The following PTPRD variants were observed in gnomAD, a reference collection of about 807,000 sequenced individuals.
PTPRD encodes the protein protein tyrosine phosphatase receptor type D, also known as receptor-type tyrosine-protein phosphatase delta.
Under a neutral mutation model 214.5 loss-of-function variants are expected in PTPRD, and 34 were observed. The observed-to-expected ratio is 0.16, with a 90% CI of 0.12 to 0.21. The LOEUF is 0.21. PTPRD is among the 10% of genes least tolerant of loss of function. PTPRD has a pLI of 1.00. For synonymous variants in PTPRD, 1,128 were observed against 845.7 expected (o/e 1.33, Z -5.79); for missense variants, 2,545 against 2,398.7 (o/e 1.06, Z -1.27).
intron 5 of PTPRD, among the ~76,000 whole-genome samples, chr9:9,892,752 A>G: frequency 6.6e-6 from 1 of 151,944 alleles, no homozygotes; most frequent in East Asian, 1.9e-4. Context: ...GGTAAAAAAA[A>G]AAAAATTGTG....
intron 37 of PTPRD, among the ~76,000 whole-genome samples, chr9:8,379,159 GATATGTCTAA>G (rs1165938532): frequency 6.6e-6 from 1 of 152,042 alleles, no homozygotes; most frequent in Admixed American, 6.6e-5. Flanking sequence ...TTTTAAAGCG[GATATGTCTAA>G]ATATTACCAT....
intron 10 of PTPRD, among the ~76,000 whole-genome samples, chr9:9,116,996 C>G (rs78918292): frequency 0.034 from 5,236 of 152,080 alleles, 173 homozygotes; most frequent in African/African-American, 0.077. Context: ...GTGTGTGTCA[C>G]AGTTGGGGAG....
chr9:10,268,385 T>C (rs770240670), intron 3 of PTPRD, among the ~76,000 whole-genome samples: 7 of 151,828 alleles, frequency 4.6e-5, no homozygotes, highest in African/African-American at 1.7e-4. Context: ...TTTTAAATGT[T>C]CTAAATTTGT....
At chr9:9,083,783 C>T (rs1165878406) in intron 10 of PTPRD, among the ~76,000 whole-genome samples, 1 of 151,982 alleles carries the variant, frequency 6.6e-6, no homozygotes, top group Non-Finnish European at 1.5e-5. Flanking sequence ...ATTTATGCAG[C>T]CAAAAAACAT....
In PTPRD at chr9:8,341,793, C is replaced by T. The variant is rs928640314; in HGVS notation, c.4847G>A (p.Gly1616Glu). The stretch of plus-strand genomic sequence containing the variant: ...GTTTCTAGCTGGCACTTCGGTATTT[C>T]CACAAGTCACTGCTTCTAACAGTGC... ...HDALLEAVTC[G>E]NTEVPARNLY... The change falls in exon 40 of 46, where the codon GGA becomes GAA. Residue 1616 changes from glycine (G) to glutamate (E), a missense_variant. Physicochemically the swap from Gly to Glu is moderately conservative, Grantham distance 98. Transcript: ENST00000381196. The T allele has an allele frequency of 6.2e-7, 1 of 1,613,572 alleles. No individual in the cohort carries two copies. The highest frequency in any genetic ancestry group is 8.5e-7 in the Non-Finnish European group (1 of 1,179,724).
chr9:9,615,235 A>T (rs183064342), intron 7 of PTPRD, among the ~76,000 whole-genome samples: 115 of 152,284 alleles, frequency 7.6e-4, no homozygotes, highest in Non-Finnish European at 1.3e-3. Context: ...AACACCAAGT[A>T]GTTGCTCCTC....
intron 4 of PTPRD, among the ~76,000 whole-genome samples, chr9:9,984,899 C>T (rs1315974098): frequency 6.6e-6 from 1 of 152,006 alleles, no homozygotes; most frequent in Non-Finnish European, 1.5e-5. Flanking sequence ...CCATGCACAC[C>T]CAAAAACCAA....
At chr9:10,524,691 G>C (rs1284494971) in intron 2 of PTPRD, among the ~76,000 whole-genome samples, 2 of 152,028 alleles carry the variant, frequency 1.3e-5, no homozygotes, top group Admixed American at 6.6e-5. Flanking sequence ...CCATTTTTCA[G>C]TTAAGAGGAG....
intron 3 of PTPRD, among the ~76,000 whole-genome samples, chr9:10,137,700 A>AC (rs2098952422): frequency 1.0e-5 from 1 of 97,950 alleles, no homozygotes; most frequent in Non-Finnish European, 2.4e-5. Flanking sequence ...TTAGAGTATA[A>AC]TAAAAAAAAA....
intron 9 of PTPRD, among the ~76,000 whole-genome samples, chr9:9,330,285 A>T (rs1185347434): frequency 1.3e-5 from 2 of 152,056 alleles, no homozygotes; most frequent in Non-Finnish European, 2.9e-5. Flanking sequence ...TTCTCAAATG[A>T]CTTTCCTTTA....
chr9:8,797,911 C>T (rs1287728468), intron 11 of PTPRD, among the ~76,000 whole-genome samples: 3 of 150,544 alleles, frequency 2.0e-5, no homozygotes, highest in East Asian at 2.0e-4. Flanking sequence ...GATATGTCAC[C>T]GAAGCTGGAG....
intron 5 of PTPRD, among the ~76,000 whole-genome samples, chr9:9,883,521 G>A (rs553532068): frequency 3.9e-5 from 6 of 152,032 alleles, no homozygotes; most frequent in South Asian, 4.1e-4. Context: ...GGTACTTCCC[G>A]GTTTTCACTC....
At chr9:8,982,821 C>G (rs141605066) in intron 11 of PTPRD, among the ~76,000 whole-genome samples, 74 of 152,028 alleles carry the variant, frequency 4.9e-4, no homozygotes, top group Non-Finnish European at 4.4e-4. Context: ...TTCAGAACTG[C>G]TTATATTCAG....
chr9:9,816,297 T>A (rs1489116260), intron 5 of PTPRD, among the ~76,000 whole-genome samples: 1 of 152,058 alleles, frequency 6.6e-6, no homozygotes. Flanking sequence ...CCTAGAAAAC[T>A]ACTTATAATA....
intron 11 of PTPRD, among the ~76,000 whole-genome samples, chr9:8,868,142 G>A (rs1303416949): frequency 2.0e-5 from 3 of 152,074 alleles, no homozygotes; most frequent in Admixed American, 1.3e-4. Context: ...CCCAGCCCAC[G>A]CATACTAGCT....
At chr9:9,189,544 A>T (rs2099933818) in intron 9 of PTPRD, among the ~76,000 whole-genome samples, 1 of 152,088 alleles carries the variant, frequency 6.6e-6, no homozygotes, top group Non-Finnish European at 1.5e-5. Context: ...CCTTAAATCC[A>T]TATGAGATGC....
chr9:9,364,728 T>C (rs532458050), intron 9 of PTPRD, among the ~76,000 whole-genome samples: 4 of 151,576 alleles, frequency 2.6e-5, no homozygotes, highest in South Asian at 4.1e-4. Context: ...TAAAGACCTT[T>C]AGGCTGCTAT....
intron 6 of PTPRD, among the ~76,000 whole-genome samples, chr9:9,735,865 G>C (rs528183948): frequency 6.6e-6 from 1 of 151,962 alleles, no homozygotes; most frequent in Non-Finnish European, 1.5e-5. Context: ...TCTTTGCGGT[G>C]CGTTATAAAC....
intron 11 of PTPRD, among the ~76,000 whole-genome samples, chr9:8,736,127 G>A (rs544894066): frequency 6.6e-6 from 1 of 152,312 alleles, no homozygotes; most frequent in African/African-American, 2.4e-5. Context: ...CACAGCAAGA[G>A]TTTCAGGTGA....
Sources: allele counts gnomAD v4.1 joint callset (sites outside exome capture counted in the v4.1 genomes callset), GRCh38; gene constraint gnomAD v4.1.1; transcripts MANE v1.5; gene names NCBI Gene and HGNC (gene_info 2026-07-23, HGNC 2026-07-21).